The following PDE3B variants were observed in gnomAD, a reference collection of about 807,000 sequenced individuals.
PDE3B encodes phosphodiesterase 3B.
Under a neutral mutation model 116.8 loss-of-function variants are expected in PDE3B, and 66 were observed. That is an observed-to-expected ratio of 0.56 (90% confidence interval 0.46 to 0.69). The LOEUF (loss-of-function observed/expected upper bound fraction) is 0.69. Ranked by LOEUF, PDE3B falls within the 30% of genes least tolerant of loss-of-function variation. PDE3B has a pLI of 0.00. For synonymous variants in PDE3B, 595 were observed against 533.6 expected (o/e 1.12, Z -1.59); for missense variants, 1,384 against 1,368.1 (o/e 1.01, Z -0.18).
At chr11:14,765,342 T>C (rs1222599201) in intron 1 of PDE3B, among the ~76,000 whole-genome samples, 1 of 151,962 alleles carries the variant, frequency 6.6e-6, no homozygotes, top group South Asian at 2.1e-4. Context: ...ATTGACGTAA[T>C]TGAACCTGAT....
At chr11:14,876,957 T>A (rs1351686136), downstream of PDE3B, among the ~76,000 whole-genome samples, 1 of 152,170 alleles carries the variant, frequency 6.6e-6, no homozygotes, top group Non-Finnish European at 1.5e-5. Flanking sequence ...AAACTCCTGA[T>A]GTATAACACA....
intron 1 of PDE3B, among the ~76,000 whole-genome samples, chr11:14,709,028 TGA>T (rs1405804325): frequency 1.3e-5 from 2 of 152,284 alleles, no homozygotes; most frequent in Non-Finnish European, 1.5e-5. Context: ...AATTCTATGT[TGA>T]GTTTATCAAG....
chr11:14,896,782 A>G, the PDE3B span, among the ~76,000 whole-genome samples: 1 of 152,214 alleles, frequency 6.6e-6, no homozygotes, highest in African/African-American at 2.4e-5. Flanking sequence ...CGTGAATATC[A>G]CTCAGAGAGA....
chr11:14,784,155 TC>T (rs1187283213), intron 2 of PDE3B, among the ~76,000 whole-genome samples: 19 of 152,156 alleles, frequency 1.2e-4, no homozygotes, highest in African/African-American at 3.6e-4. Flanking sequence ...AAAATTGTGT[TC>T]CACGAAACCT....
intron 1 of PDE3B, among the ~76,000 whole-genome samples, chr11:14,681,788 G>T (rs902683846): frequency 6.6e-6 from 1 of 152,092 alleles, no homozygotes; most frequent in Admixed American, 6.6e-5. Context: ...ATTAGTTCTA[G>T]AAGCATTTTT....
intron 11 of PDE3B, among the ~76,000 whole-genome samples, chr11:14,842,706 A>G (rs1847500848): frequency 6.6e-6 from 1 of 152,192 alleles, no homozygotes; most frequent in South Asian, 2.1e-4. Context: ...ACCTATGAAT[A>G]GCTAGCTGCT....
chr11:14,698,201 A>T (rs1855266436), intron 1 of PDE3B, among the ~76,000 whole-genome samples: 1 of 151,918 alleles, frequency 6.6e-6, no homozygotes, highest in Admixed American at 6.6e-5. Context: ...CAGATTAAGG[A>T]AGTTCCCTTC....
intron 1 of PDE3B, among the ~76,000 whole-genome samples, chr11:14,755,079 A>G (rs1857149528): frequency 6.6e-6 from 1 of 152,230 alleles, no homozygotes; most frequent in Admixed American, 6.5e-5. Context: ...TGATAAATCC[A>G]TCCTAAAGTT....
At chr11:14,771,435 A>G (rs1232447257) in intron 1 of PDE3B, among the ~76,000 whole-genome samples, 1 of 151,702 alleles carries the variant, frequency 6.6e-6, no homozygotes, top group Non-Finnish European at 1.5e-5. Flanking sequence ...ATCACTAATT[A>G]TGTGCATATC....
Position 14,666,454 on chromosome 11 carries a change from G to T in PDE3B, c.978+21401G>T, listed in dbSNP as rs1337826253. 2.0e-4 allele frequency among the ~76,000 whole-genome samples: 30 copies of T among 150,736 alleles called. No homozygotes were observed. In the South Asian group the frequency reaches 6.3e-3, roughly 31 times the overall value. ...AAATGGGATCTAATTAAACTCAAGA[G>T]CTTCTGCACAGCAAAAGAAACTACC... is the stretch of plus-strand genomic sequence containing the variant. On this transcript the variant is annotated intron_variant, in intron 1 of 15. Transcript: ENST00000282096.
At chr11:14,668,701 C>G (rs1283286122) in intron 1 of PDE3B, among the ~76,000 whole-genome samples, 1 of 152,270 alleles carries the variant, frequency 6.6e-6, no homozygotes, top group Non-Finnish European at 1.5e-5. Flanking sequence ...GCAGCACAAT[C>G]CTGTCTGTCT....
At chr11:14,849,068 G>A (rs1223869972) in intron 12 of PDE3B, among the ~76,000 whole-genome samples, 16 of 151,994 alleles carry the variant, frequency 1.1e-4, no homozygotes, top group Middle Eastern at 6.8e-3. Flanking sequence ...GAGGCATCAC[G>A]CTACCTGACT....
At chr11:14,645,532 G>GA (rs1412551764) in intron 1 of PDE3B, among the ~76,000 whole-genome samples, 1 of 152,180 alleles carries the variant, frequency 6.6e-6, no homozygotes, top group African/African-American at 2.4e-5. Context: ...TTTCGTTATT[G>GA]AAAATCGAGA....
At chr11:14,833,332 G>A (rs1463432368) in intron 10 of PDE3B, among the ~76,000 whole-genome samples, 1 of 152,190 alleles carries the variant, frequency 6.6e-6, no homozygotes, top group South Asian at 2.1e-4. Flanking sequence ...TTAACATTTT[G>A]TCTGTTTTTT....
At chr11:14,670,731 T>A (rs1387678469) in intron 1 of PDE3B, among the ~76,000 whole-genome samples, 2 of 152,172 alleles carry the variant, frequency 1.3e-5, no homozygotes, top group African/African-American at 2.4e-5. Flanking sequence ...CTAAAAAATT[T>A]GTGAAAATCA....
intron 1 of PDE3B, among the ~76,000 whole-genome samples, chr11:14,725,267 C>CTTTTTCTT (rs1565109538): frequency 6.3e-4 from 96 of 151,476 alleles, no homozygotes; most frequent in African/African-American, 2.0e-3. Flanking sequence ...TTCTTTCTTT[C>CTTTTTCTT]TCTTTCTTTT....
chr11:14,786,543 C>G lies in PDE3B; in HGVS notation c.1136C>G (p.Ser379Cys), dbSNP rs749703705. 9 of 1,613,194 alleles carry G rather than the reference C, an allele frequency of 5.6e-6. No homozygotes were observed. The highest frequency in any genetic ancestry group is 3.3e-4 in the Middle Eastern group (2 of 6,080). Residue 379 changes from serine (S) to cysteine (C), a missense_variant, in exon 3 of 16, where the codon TCT (serine) becomes TGT (cysteine). By Grantham distance (112) the Ser-to-Cys change is moderately radical. Transcript: ENST00000282096. ...DPSLPPQVIS[S>C]LRSISSLMGA... ...AGCCTTCCACCACAAGTCATTTCCT[C>G]TCTACGGAGTATTAGTAGCTTAATG... is the stretch of plus-strand genomic sequence containing the variant.
At chr11:14,878,080 G>T in the PDE3B span, 1 of 1,604,402 alleles carries the variant, frequency 6.2e-7, no homozygotes. Flanking sequence ...TCAGGGATAA[G>T]GCAAATATAC....
At chr11:14,696,485 G>T (rs936449703) in intron 1 of PDE3B, among the ~76,000 whole-genome samples, 3 of 152,042 alleles carry the variant, frequency 2.0e-5, no homozygotes, top group African/African-American at 7.2e-5. Flanking sequence ...TCGCCATTCT[G>T]GGAGGTGTAT....
Sources: allele counts gnomAD v4.1 joint callset (sites outside exome capture counted in the v4.1 genomes callset), GRCh38; gene constraint gnomAD v4.1.1; transcripts MANE v1.5; gene names NCBI Gene and HGNC (gene_info 2026-07-23, HGNC 2026-07-21).